The following HNRNPF variants were observed in gnomAD, a reference collection of about 807,000 sequenced individuals.
HNRNPF encodes HnRNP F protein.
In HNRNPF, 2 loss-of-function variants were observed where a neutral mutation model predicts 26.0. The ratio of observed to expected loss-of-function variants is 0.08; its 90% CI spans 0.03 to 0.24. The LOEUF (loss-of-function observed/expected upper bound fraction) is 0.24, where lower values mean the gene tolerates loss of function less well. Ranked by LOEUF, HNRNPF falls within the 10% of genes least tolerant of loss-of-function variation. The pLI is 1.00. For missense variants in HNRNPF, 299 were observed against 539.2 expected, an observed-to-expected ratio of 0.55 and a Z score of 4.41; for synonymous variants, 234 against 211.5, an observed-to-expected ratio of 1.11 and a Z score of -0.92.
chr10:43,392,434 G>A (rs1273200947), intron 3 of HNRNPF, among the ~76,000 whole-genome samples: 1 of 152,188 alleles, frequency 6.6e-6, no homozygotes, highest in Non-Finnish European at 1.5e-5. Context: ...AGCTACTCCA[G>A]ACGCTGGGAC....
At position 43,386,441 on chromosome 10, in the gene HNRNPF, TTTTAG is replaced by T. The variant is rs1838026316; in HGVS notation, c.*191_*195del. ...GTTAATTGAGAAAAGCTGAAAATAG[TTTTAG>T]TTTACTCATTATCACATGCTAGAAG... On this transcript the variant is annotated 3_prime_UTR_variant, in exon 4 of 4. Transcript: ENST00000682386. The T allele has an allele frequency of 1.9e-6, 1 of 528,640 alleles. No individual in the cohort carries two copies. The highest frequency in any genetic ancestry group is 3.3e-6 in the Non-Finnish European group (1 of 303,628). The allele number at this position is 528,640 out of a possible 1,614,324, so 32.7% of individuals were successfully genotyped here.
intron 1 of HNRNPF, among the ~76,000 whole-genome samples, chr10:43,406,061 C>A (rs1204505524): frequency 2.0e-5 from 3 of 152,120 alleles, no homozygotes; most frequent in African/African-American, 7.2e-5. Context: ...AATAGCAAGC[C>A]CTTCTGGAGT....
chr10:43,405,689 T>C (rs1838894346), intron 1 of HNRNPF, among the ~76,000 whole-genome samples: 1 of 152,092 alleles, frequency 6.6e-6, no homozygotes, highest in Non-Finnish European at 1.5e-5. Flanking sequence ...CAGAAACACT[T>C]AAACCCTGGA....
At position 43,386,443 on chromosome 10, in the gene HNRNPF, TTAG is replaced by T; in HGVS notation, c.*191_*193del. 1.9e-6 allele frequency: 1 copy of T among 533,948 alleles called. No individual in the cohort carries two copies. Among genetic ancestry groups the T allele is most frequent in the Non-Finnish European group, 3.3e-6 (1 of 306,762 alleles). The allele number at this position is 533,948 out of a possible 1,614,324, so 33.1% of individuals were successfully genotyped here. A position where few individuals can be genotyped will look rare whatever the true frequency, so the allele number is the denominator to read the frequency against. ...TAATTGAGAAAAGCTGAAAATAGTTTTAGTTTACTCATTATCACATGCTAGAAG... is the reference window on the plus strand; with the variant it reads ...TAATTGAGAAAAGCTGAAAATAGTTTTTTACTCATTATCACATGCTAGAAG... On this transcript the variant is annotated 3_prime_UTR_variant, in exon 4 of 4. Transcript: ENST00000682386.
At chr10:43,390,664 ACTT>A (rs1334549677) in intron 3 of HNRNPF, among the ~76,000 whole-genome samples, 3 of 152,216 alleles carry the variant, frequency 2.0e-5, no homozygotes, top group Non-Finnish European at 2.9e-5. Flanking sequence ...CATTCAATGA[ACTT>A]CTTAACTGTA....
chr10:43,391,009 A>G (rs1838222410), intron 3 of HNRNPF, among the ~76,000 whole-genome samples: 1 of 152,184 alleles, frequency 6.6e-6, no homozygotes, highest in African/African-American at 2.4e-5. Flanking sequence ...GAAATACTGT[A>G]GAAATCAGGG....
At position 43,387,711 on chromosome 10, in the gene HNRNPF, A is replaced by G; in HGVS notation, c.174T>C (p.Phe58=). 1.2e-6 allele frequency: 2 copies of G among 1,614,138 alleles called. No homozygotes were observed. The highest frequency in any genetic ancestry group is 8.5e-7 in the Non-Finnish European group (1 of 1,180,028). The change falls in exon 4 of 4, where the codon TTT becomes TTC. Residue 58 remains phenylalanine (F), a synonymous_variant. Transcript: ENST00000682386. The surrounding 1 kb of genome is among the most constrained non-coding windows in gnomAD (Gnocchi z 6.0). ...TREGRQSGEA[F]VELGSEDDVK... is the part of the protein sequence containing the mutation. Reference sequence around the variant, plus strand: ...CATCATCTTCTGATCCAAGTTCAACAAAAGCCTCACCACTCTGCCTGCCCT... The same window carrying G: ...CATCATCTTCTGATCCAAGTTCAACGAAAGCCTCACCACTCTGCCTGCCCT...
rs1185908063 is a variant in HNRNPF, at chr10:43,395,975, G to A, written c.-112+481C>T. Among the ~76,000 whole-genome samples the A allele has an allele frequency of 3.3e-5, 5 of 152,318 alleles. No homozygotes were observed. The East Asian group carries it at 7.7e-4, about 24-fold the overall frequency. ...CGCTGGGGGCGGGGAGGGCTGCTCA[G>A]CTCCCCCAGGTGACTGGACCCGGAG... On this transcript the variant is annotated intron_variant, in intron 2 of 3. Transcript: ENST00000682386.
At position 43,407,516 on chromosome 10, in the gene HNRNPF, A is replaced by C. The variant is rs1277553375; in HGVS notation, c.-247+1615T>G. On this transcript the variant is annotated intron_variant, in intron 1 of 3. Coordinates refer to ENST00000682386, the MANE Select transcript of HNRNPF (RefSeq NM_001098204.2). ...GGGCGAGTCGGGTGCCTTGCTCCTC[A>C]AAACCCTGGTCCACGACTCTGCGGT... Among the ~76,000 whole-genome samples the C allele has an allele frequency of 1.6e-4, 24 of 152,124 alleles. No homozygotes were observed. The South Asian group carries it at 5.0e-3, about 32-fold the overall frequency.
intron 3 of HNRNPF, among the ~76,000 whole-genome samples, chr10:43,389,235 G>A (rs1317790341): frequency 6.6e-6 from 1 of 152,134 alleles, no homozygotes; most frequent in Non-Finnish European, 1.5e-5. Context: ...GCTGCCCAAA[G>A]TGCTGGAATT....
chr10:43,389,256 G>C (rs1037197631), intron 3 of HNRNPF, among the ~76,000 whole-genome samples: 1 of 152,148 alleles, frequency 6.6e-6, no homozygotes, highest in African/African-American at 2.4e-5. Flanking sequence ...ACTGGCGTGA[G>C]CCACCATGCA....
chr10:43,408,224 T>C (rs1838993276), intron 1 of HNRNPF, among the ~76,000 whole-genome samples: 2 of 152,122 alleles, frequency 1.3e-5, no homozygotes, highest in African/African-American at 4.8e-5. Context: ...CCTCCGGCAG[T>C]CGCCAGCTCC....
chr10:43,398,348 T>TTG (rs1427332966), intron 1 of HNRNPF, among the ~76,000 whole-genome samples: 2 of 150,218 alleles, frequency 1.3e-5, no homozygotes, highest in African/African-American at 2.5e-5. Context: ...GTTGTTGTTT[T>TTG]TTTTTTTTTT....
At chr10:43,398,194 G>C (rs981898186) in intron 1 of HNRNPF, among the ~76,000 whole-genome samples, 3 of 151,924 alleles carry the variant, frequency 2.0e-5, no homozygotes, top group Non-Finnish European at 4.4e-5. Context: ...TACCCAGCTA[G>C]TTTTTGTTTT....
intron 3 of HNRNPF, among the ~76,000 whole-genome samples, chr10:43,393,520 T>G (rs916778745): frequency 6.6e-6 from 1 of 151,478 alleles, no homozygotes; most frequent in Non-Finnish European, 1.5e-5. Flanking sequence ...CGCTTGAACC[T>G]GGGAGGCAGA....
intron 1 of HNRNPF, among the ~76,000 whole-genome samples, chr10:43,403,506 G>T (rs1838817031): frequency 6.6e-6 from 1 of 152,066 alleles, no homozygotes; most frequent in Admixed American, 6.6e-5. Context: ...AGATGCAAAA[G>T]TCCAAACCAA....
chr10:43,404,895 C>G (rs1838864798), intron 1 of HNRNPF, among the ~76,000 whole-genome samples: 1 of 152,168 alleles, frequency 6.6e-6, no homozygotes, highest in South Asian at 2.1e-4. Flanking sequence ...ATATAAAGAA[C>G]AGACACTCAA....
At chr10:43,406,391 C>CT (rs1477807966) in intron 1 of HNRNPF, among the ~76,000 whole-genome samples, 2 of 152,146 alleles carry the variant, frequency 1.3e-5, no homozygotes, top group Non-Finnish European at 2.9e-5. Flanking sequence ...TAACAGAAAA[C>CT]TTGGCAGTTT....
At chr10:43,406,164 G>A (rs1838911988) in intron 1 of HNRNPF, among the ~76,000 whole-genome samples, 1 of 152,170 alleles carries the variant, frequency 6.6e-6, no homozygotes, top group Non-Finnish European at 1.5e-5. Context: ...GAGAACCAGA[G>A]CTCAGTGGGG....
Sources: gnomAD v4.1 joint callset for allele counts (sites outside exome capture counted in the v4.1 genomes callset) on GRCh38, gnomAD v4.1.1 for gene constraint, Gnocchi (gnomAD v3.1) non-coding constraint, MANE v1.5 for transcripts, NCBI Gene and HGNC (gene_info 2026-07-23, HGNC 2026-07-21) for gene names.